TIMP2: variants seen among roughly 807,000 people sequenced by gnomAD.
The protein encoded by TIMP2 is TIMP metallopeptidase inhibitor 2.
Under a neutral mutation model 24.3 loss-of-function variants are expected in TIMP2, and 5 were observed. The observed-to-expected ratio is 0.21, with a 90% CI of 0.11 to 0.43. The LOEUF is 0.43. Ranked by LOEUF, TIMP2 falls within the 20% of genes least tolerant of loss-of-function variation. The pLI is 1.00. For missense variants in TIMP2, 221 were observed against 297.5 expected (o/e 0.74, Z 1.89); for synonymous variants, 130 against 123.2 (o/e 1.06, Z -0.37).
In TIMP2 at chr17:78,892,475, C is replaced by T. The variant is rs764364239; in HGVS notation, c.131-18556G>A. On this transcript the variant is annotated intron_variant, in intron 1 of 4. Transcript: ENST00000262768. ...CACAGCAAACCTACGAGGAAGGGAG[C>T]ACAAGTGCAGCTTTCCAGATCGCTC... is the stretch of plus-strand genomic sequence containing the variant. The T allele has an allele frequency of 7.1e-5, 109 of 1,537,976 alleles. No homozygotes were observed. The South Asian group carries it at 1.1e-3, about 16-fold the overall frequency.
chr17:78,883,721 C>T (rs1291411341), intron 1 of TIMP2, among the ~76,000 whole-genome samples: 2 of 152,156 alleles, frequency 1.3e-5, no homozygotes, highest in African/African-American at 4.8e-5. Context: ...ACTTCCTGCC[C>T]ATTCGTTTTG....
At chr17:78,900,473 A>G (rs2070073168) in intron 1 of TIMP2, among the ~76,000 whole-genome samples, 3 of 151,414 alleles carry the variant, frequency 2.0e-5, no homozygotes. Context: ...TGAACCCAGG[A>G]GGCGGAGGTT....
intron 1 of TIMP2, among the ~76,000 whole-genome samples, chr17:78,918,449 G>A (rs2070282205): frequency 6.6e-6 from 1 of 152,192 alleles, no homozygotes; most frequent in Non-Finnish European, 1.5e-5. Flanking sequence ...CCAGGCAGGT[G>A]GGCCCTGGGA....
intron 1 of TIMP2, among the ~76,000 whole-genome samples, chr17:78,907,443 T>C (rs1466840489): frequency 4.6e-5 from 7 of 152,118 alleles, no homozygotes; most frequent in African/African-American, 1.7e-4. Flanking sequence ...GGCCAGTTGG[T>C]GGAGTCGTCT....
chr17:78,922,264 C>T (rs998940377), intron 1 of TIMP2: 8 of 152,166 alleles, frequency 5.3e-5, no homozygotes, highest in Non-Finnish European at 1.0e-4. Context: ...CGCTGTCGTC[C>T]CTGTGGGATT....
chr17:78,890,446 G>A (rs1820403664), intron 1 of TIMP2: 4 of 588,304 alleles, frequency 6.8e-6, no homozygotes, highest in Non-Finnish European at 1.1e-5. Context: ...AGGTGATCCT[G>A]AGGCCGACCT....
chr17:78,912,463 G>A (rs979543855), intron 1 of TIMP2, among the ~76,000 whole-genome samples: 4 of 152,180 alleles, frequency 2.6e-5, no homozygotes, highest in African/African-American at 9.7e-5. Context: ...ATGCAGTAAG[G>A]GGGTCTCGGT....
rs71161632 is a variant in TIMP2, at chr17:78,854,921, C to CGGGGGGGGGGGG, written c.*734_*745dup. On this transcript the variant is annotated 3_prime_UTR_variant, in exon 5 of 5. Transcript: ENST00000262768. The stretch of plus-strand genomic sequence containing the variant: ...TCCTGCAAGCTGGGGAGCATGTGGG[C>CGGGGGGGGGGGG]GGGGGGGGGGGGGTGGGGGGGTGGG... 7.7e-5 allele frequency: 3 copies of CGGGGGGGGGGGG among 39,088 alleles called. No individual in the cohort carries two copies. The highest frequency in any genetic ancestry group is 1.6e-4 in the Non-Finnish European group (3 of 19,168). The allele number at this position is 39,088 out of a possible 1,614,324, so 2.4% of individuals were successfully genotyped here. A position where few individuals can be genotyped will look rare whatever the true frequency, so the allele number is the denominator to read the frequency against.
intron 1 of TIMP2, among the ~76,000 whole-genome samples, chr17:78,923,386 T>G (rs193011449): frequency 0.47 from 3,641 of 7,830 alleles, 222 homozygotes; most frequent in African/African-American, 0.51. Flanking sequence ...AGTGTGTGTG[T>G]GGGGCGGGGT....
intron 3 of TIMP2, among the ~76,000 whole-genome samples, chr17:78,869,150 G>T (rs2069645605): frequency 1.3e-5 from 2 of 152,240 alleles, no homozygotes; most frequent in South Asian, 4.1e-4. Context: ...GCTGGGCACA[G>T]TGGCTCACGC....
intron 3 of TIMP2, 46 bp downstream of exon 3, chr17:78,870,852 C>T: frequency 6.4e-7 from 1 of 1,555,078 alleles, no homozygotes; most frequent in Non-Finnish European, 8.8e-7. Context: ...TAGGAACAGC[C>T]CCACTTCTGT....
chr17:78,900,612 A>C (rs2070076017), intron 1 of TIMP2, among the ~76,000 whole-genome samples: 1 of 152,150 alleles, frequency 6.6e-6, no homozygotes, highest in Admixed American at 6.6e-5. Flanking sequence ...GCTCTTCCAC[A>C]GGACCACTGC....
chr17:78,890,931 G>A, intron 1 of TIMP2: 1 of 1,550,860 alleles, frequency 6.4e-7, no homozygotes, highest in Non-Finnish European at 8.7e-7. Flanking sequence ...ATATCTGGGT[G>A]TTCCATTTGT....
intron 1 of TIMP2, among the ~76,000 whole-genome samples, chr17:78,893,259 AGG>A (rs1491418018): frequency 5.0e-5 from 5 of 99,614 alleles, no homozygotes; most frequent in African/African-American, 1.9e-4. Flanking sequence ...GTGTGTGTGC[AGG>A]GGTGTGTGTG....
chr17:78,914,282 T>C (rs12952099), intron 1 of TIMP2, among the ~76,000 whole-genome samples: 1 of 50,430 alleles, frequency 2.0e-5, no homozygotes, highest in South Asian at 5.1e-4. Flanking sequence ...TATTTATTTA[T>C]TTATTTATTT....
chr17:78,868,710 T>C (rs372015302), intron 3 of TIMP2, among the ~76,000 whole-genome samples: 12 of 152,074 alleles, frequency 7.9e-5, no homozygotes, highest in Middle Eastern at 6.8e-3. Flanking sequence ...TGAAATGAAA[T>C]AAAATTTAAA....
At chr17:78,915,141 C>A (rs2070245454) in intron 1 of TIMP2, among the ~76,000 whole-genome samples, 1 of 152,112 alleles carries the variant, frequency 6.6e-6, no homozygotes, top group Non-Finnish European at 1.5e-5. Flanking sequence ...AGGTGATCCA[C>A]CCACCTCAGC....
chr17:78,874,554 C>T (rs1036822173), intron 1 of TIMP2, among the ~76,000 whole-genome samples: 1 of 152,072 alleles, frequency 6.6e-6, no homozygotes. Flanking sequence ...CTTTCCTGAC[C>T]TGGAAAATGT....
chr17:78,881,539 G>A (rs1342018130), intron 1 of TIMP2, among the ~76,000 whole-genome samples: 2 of 152,386 alleles, frequency 1.3e-5, no homozygotes, highest in African/African-American at 2.4e-5. Context: ...TCCACACTGC[G>A]TAGACGCAAA....
Sources: gnomAD v4.1 joint callset for allele counts (sites outside exome capture counted in the v4.1 genomes callset) on GRCh38, gnomAD v4.1.1 for gene constraint, MANE v1.5 for transcripts, NCBI Gene and HGNC (gene_info 2026-07-23, HGNC 2026-07-21) for gene names.